CUX1: variants seen among roughly 807,000 people sequenced by gnomAD.
CUX1 encodes the protein cut like homeobox 1.
CUX1 carries 31 observed loss-of-function variants against 158.8 expected under a neutral mutation model. That is an observed-to-expected ratio of 0.20 (90% CI 0.15 to 0.26). The LOEUF is 0.26. Among genes scored for constraint, CUX1 ranks in the 10% least tolerant of loss-of-function variants. CUX1 has a pLI of 1.00. For synonymous variants in CUX1, 879 were observed against 862.1 expected (o/e 1.02, Z -0.34); for missense variants, 1,589 against 2,014.6 (o/e 0.79, Z 4.04).
At chr7:101,838,677 C>T (rs146769310) in intron 1 of CUX1, among the ~76,000 whole-genome samples, 11 of 151,934 alleles carry the variant, frequency 7.2e-5, no homozygotes, top group African/African-American at 2.7e-4. Context: ...GTGGCGCATG[C>T]CTGTAGTCCT....
chr7:102,162,419 A>C (rs1171774661), intron 9 of CUX1, among the ~76,000 whole-genome samples: 1 of 151,592 alleles, frequency 6.6e-6, no homozygotes, highest in Non-Finnish European at 1.5e-5. Context: ...GACTATGGGC[A>C]TATGGCTCCC....
intron 14 of CUX1, among the ~76,000 whole-genome samples, chr7:102,267,475 A>T (rs1554545313): frequency 6.6e-6 from 1 of 152,170 alleles, no homozygotes; most frequent in East Asian, 1.9e-4. Context: ...GAGAGGTTGC[A>T]GAGAGCCGAG....
chr7:102,245,233 T>A (rs1800679679), intron 23 of CUX1, among the ~76,000 whole-genome samples: 1 of 152,076 alleles, frequency 6.6e-6, no homozygotes, highest in South Asian at 2.1e-4. Flanking sequence ...TCTGTAGAGA[T>A]GGGGTTTTGC....
intron 23 of CUX1, among the ~76,000 whole-genome samples, chr7:102,240,193 G>C (rs1257875028): frequency 6.6e-6 from 1 of 152,208 alleles, no homozygotes; most frequent in Non-Finnish European, 1.5e-5. Context: ...ATAAGGGAGA[G>C]TGTAGGCATT....
intron 8 of CUX1, among the ~76,000 whole-genome samples, chr7:102,145,685 G>A (rs1170195593): frequency 1.3e-5 from 2 of 152,104 alleles, no homozygotes; most frequent in Admixed American, 6.6e-5. Context: ...GGTGGCTCAC[G>A]CCTGTAATCC....
intron 20 of CUX1, among the ~76,000 whole-genome samples, chr7:102,210,804 C>T (rs1409423273): frequency 5.3e-5 from 8 of 152,150 alleles, no homozygotes; most frequent in Admixed American, 3.3e-4. Flanking sequence ...AATGTGTGCC[C>T]CTCTTTGACG....
At chr7:102,097,743 G>C (rs747285276) in intron 5 of CUX1, among the ~76,000 whole-genome samples, 2 of 152,140 alleles carry the variant, frequency 1.3e-5, no homozygotes, top group African/African-American at 2.4e-5. Context: ...TGATGAGACC[G>C]ATCAGGATTC....
intron 3 of CUX1, among the ~76,000 whole-genome samples, chr7:102,049,915 C>T (rs139034552): frequency 1.3e-5 from 2 of 152,196 alleles, no homozygotes; most frequent in Non-Finnish European, 2.9e-5. Context: ...TAAGGGCTGC[C>T]GCTCTAGGAA....
intron 14 of CUX1, among the ~76,000 whole-genome samples, chr7:102,270,958 G>A (rs1554546127): frequency 1.3e-5 from 2 of 152,210 alleles, no homozygotes; most frequent in Non-Finnish European, 2.9e-5. Context: ...TCTCCCTGGT[G>A]CCCACGGATG....
intron 1 of CUX1, among the ~76,000 whole-genome samples, chr7:101,904,599 C>T (rs1802544318): frequency 6.8e-6 from 1 of 147,176 alleles, no homozygotes; most frequent in African/African-American, 2.5e-5. Flanking sequence ...GACAGAGTCT[C>T]ACTCTGTTGC....
intron 10 of CUX1, among the ~76,000 whole-genome samples, chr7:102,177,917 G>C (rs911829974): frequency 1.3e-5 from 2 of 151,986 alleles, no homozygotes; most frequent in Non-Finnish European, 2.9e-5. Context: ...TTTTGAGACA[G>C]AGTCTCATTC....
intron 10 of CUX1, among the ~76,000 whole-genome samples, chr7:102,175,159 G>A (rs1376352348): frequency 2.0e-5 from 3 of 152,298 alleles, no homozygotes; most frequent in East Asian, 1.9e-4. Context: ...CCAGCCGGGC[G>A]CAGGAGTTGA....
rs186564143 is a variant in CUX1 at position 101,940,061 on chromosome 7, T to A, written c.141+23836T>A. ...CACCGCTGCACTCCAGCCTGGGCAATAGAGCGAGACTCCATCTAAAAAAAA... is the reference window on the plus strand; with the variant it reads ...CACCGCTGCACTCCAGCCTGGGCAAAAGAGCGAGACTCCATCTAAAAAAAA... On this transcript the variant is annotated intron_variant, in intron 2 of 23. Transcript: ENST00000292535. Among the ~76,000 whole-genome samples, 29 of 138,778 alleles carry A rather than the reference T, an allele frequency of 2.1e-4. No homozygotes were observed. The East Asian group carries it at 6.3e-3, about 30-fold the overall frequency. The allele number at this position is 138,778 out of a possible 152,430, so 91.0% of individuals were successfully genotyped here.
In CUX1 at chr7:101,916,275, G is replaced by T. The variant is rs1247338060; in HGVS notation, c.141+50G>T. On this transcript the variant is annotated intron_variant, in intron 2 of 23. Transcript: ENST00000292535. This position sits in a 1 kb window ranked among gnomAD's most constrained non-coding sequence, Gnocchi z 4.4. ...GCTTTGAAGGGATCTTAGAATGCTG[G>T]TGCATGTTCAGGCGACGCTCCGTGA... The T allele has an allele frequency of 5.0e-6, 6 of 1,209,106 alleles. No homozygotes were observed. The highest frequency in any genetic ancestry group is 7.4e-6 in the Non-Finnish European group (6 of 812,352). The allele number at this position is 1,209,106 out of a possible 1,614,324, so 74.9% of individuals were successfully genotyped here. A position where few individuals can be genotyped will look rare whatever the true frequency, so the allele number is the denominator to read the frequency against.
intron 10 of CUX1, among the ~76,000 whole-genome samples, chr7:102,173,261 G>A (rs577977650): frequency 1.7e-4 from 26 of 152,344 alleles, no homozygotes; most frequent in African/African-American, 6.0e-4. Flanking sequence ...TCAGGAGGCT[G>A]AGGTAGGAGA....
intron 2 of CUX1, among the ~76,000 whole-genome samples, chr7:102,013,372 A>T (rs1190065891): frequency 6.6e-6 from 1 of 152,234 alleles, no homozygotes; most frequent in African/African-American, 2.4e-5. Context: ...TACCAGGGCC[A>T]GCAGCTCCAG....
intron 2 of CUX1, among the ~76,000 whole-genome samples, chr7:102,000,851 C>T (rs995398951): frequency 2.6e-5 from 4 of 152,106 alleles, no homozygotes; most frequent in African/African-American, 9.7e-5. Context: ...CTCACTGCAA[C>T]CTCAAACTCT....
At chr7:102,242,369 C>A (rs1396835264) in intron 23 of CUX1, among the ~76,000 whole-genome samples, 8 of 151,948 alleles carry the variant, frequency 5.3e-5, no homozygotes, top group Non-Finnish European at 1.2e-4. Context: ...ACCACCATGC[C>A]CGGCTAATTT....
At chr7:101,973,063 G>A (rs777266325) in intron 2 of CUX1, among the ~76,000 whole-genome samples, 1 of 152,154 alleles carries the variant, frequency 6.6e-6, no homozygotes, top group African/African-American at 2.4e-5. Context: ...CGAAATCCCC[G>A]CATGCACCTT....
Sources: allele counts gnomAD v4.1 joint callset (sites outside exome capture counted in the v4.1 genomes callset), GRCh38; gene constraint gnomAD v4.1.1; non-coding constraint Gnocchi (gnomAD v3.1); transcripts MANE v1.5; gene names NCBI Gene and HGNC (gene_info 2026-07-23, HGNC 2026-07-21).